Variants in MIPEP observed in about 807,000 individuals in gnomAD.
MIPEP encodes mitochondrial intermediate peptidase.
Under a neutral mutation model 90.3 loss-of-function variants are expected in MIPEP, and 79 were observed. The ratio of observed to expected loss-of-function variants is 0.87; its 90% CI spans 0.73 to 1.05. The LOEUF (loss-of-function observed/expected upper bound fraction) is 1.05. Among genes scored for constraint, MIPEP ranks in the 50% least tolerant of loss-of-function variants. The probability of loss-of-function intolerance (pLI) is 0.00; values close to 1 mark genes in which losing one functional copy is unlikely to be tolerated. For synonymous variants in MIPEP, 334 were observed against 315.8 expected (o/e 1.06, Z -0.61); for missense variants, 940 against 905.6 (o/e 1.04, Z -0.49).
At chr13:23,796,236 T>C (rs908881346) in intron 16 of MIPEP, among the ~76,000 whole-genome samples, 1 of 152,142 alleles carries the variant, frequency 6.6e-6, no homozygotes, top group Non-Finnish European at 1.5e-5. Flanking sequence ...CTGGCCAATA[T>C]GGCGAAACCA....
In MIPEP at chr13:23,750,257, C is replaced by T. The variant is rs371389059; in HGVS notation, c.2044+6288G>A. ...AGTATTGACAGAATATTGTTAGCTC[C>T]AGCTACACTTTAGTCAGATTGCCCT... On this transcript the variant is annotated intron_variant, in intron 18 of 18. Coordinates refer to ENST00000382172, the MANE Select transcript of MIPEP (RefSeq NM_005932.4). 4.3e-4 allele frequency among the ~76,000 whole-genome samples: 65 copies of T among 152,286 alleles called. 1 individual carries two copies. The East Asian group carries it at 8.3e-3, about 19-fold the overall frequency.
chr13:23,883,664 T>C (rs1305306264), intron 2 of MIPEP, among the ~76,000 whole-genome samples: 1 of 152,232 alleles, frequency 6.6e-6, no homozygotes, highest in East Asian at 1.9e-4. Context: ...ATGTTCAGTA[T>C]GAATGCAAAT....
At chr13:23,750,784 T>C (rs1952433526) in intron 18 of MIPEP, among the ~76,000 whole-genome samples, 1 of 152,216 alleles carries the variant, frequency 6.6e-6, no homozygotes, top group Admixed American at 6.5e-5. Flanking sequence ...TTTATATCAA[T>C]ATGGACTCAT....
At chr13:23,769,147 T>C (rs1201016887) in intron 16 of MIPEP, among the ~76,000 whole-genome samples, 1 of 152,162 alleles carries the variant, frequency 6.6e-6, no homozygotes, top group African/African-American at 2.4e-5. Flanking sequence ...AAGGAACCCA[T>C]GCTAACATTG....
intron 18 of MIPEP, among the ~76,000 whole-genome samples, chr13:23,750,564 C>T (rs73446189): frequency 7.2e-4 from 110 of 152,300 alleles, no homozygotes; most frequent in African/African-American, 2.5e-3. Flanking sequence ...GTCCACATGA[C>T]GCATCACTGA....
At chr13:23,826,803 A>G (rs988189954) in intron 14 of MIPEP, among the ~76,000 whole-genome samples, 7 of 152,222 alleles carry the variant, frequency 4.6e-5, no homozygotes, top group African/African-American at 1.4e-4. Flanking sequence ...AAACAAACAA[A>G]ATAGGATAAA....
intron 15 of MIPEP, among the ~76,000 whole-genome samples, 194 bp from the exon 16 acceptor site, chr13:23,806,263 C>T (rs1336069435): frequency 1.3e-5 from 2 of 152,160 alleles, no homozygotes. Flanking sequence ...AAAAGGAATG[C>T]TCTCAACCTT....
intron 16 of MIPEP, among the ~76,000 whole-genome samples, chr13:23,769,104 G>T (rs1952623052): frequency 6.6e-6 from 1 of 152,138 alleles, no homozygotes; most frequent in South Asian, 2.1e-4. Flanking sequence ...TCCAACATCT[G>T]CTGAGAAAAT....
At chr13:23,782,085 C>T (rs946497180) in intron 16 of MIPEP, among the ~76,000 whole-genome samples, 1 of 152,216 alleles carries the variant, frequency 6.6e-6, no homozygotes, top group Non-Finnish European at 1.5e-5. Flanking sequence ...GAATTGAACA[C>T]AGCTCTGCAC....
At chr13:23,836,737 T>C (rs990556787) in intron 13 of MIPEP, among the ~76,000 whole-genome samples, 1 of 152,266 alleles carries the variant, frequency 6.6e-6, no homozygotes, top group Non-Finnish European at 1.5e-5. Context: ...ATCCTTCCTT[T>C]GTTTTACAAG....
At chr13:23,805,720 C>T (rs151120872) in intron 16 of MIPEP, among the ~76,000 whole-genome samples, 33 of 152,212 alleles carry the variant, frequency 2.2e-4, no homozygotes, top group African/African-American at 7.7e-4. Context: ...TTTTAACCCC[C>T]ACATTTCCAA....
intron 10 of MIPEP, among the ~76,000 whole-genome samples, chr13:23,847,491 A>C (rs1040736063): frequency 1.3e-5 from 2 of 151,592 alleles, no homozygotes; most frequent in Non-Finnish European, 2.9e-5. Flanking sequence ...CCCAAACAGA[A>C]AACTACAGAC....
In MIPEP at chr13:23,879,253, G is replaced by C; in HGVS notation, c.539+15C>G. On this transcript the variant is annotated intron_variant, in intron 4 of 18. Transcript: ENST00000382172. ...GAGTCACAGTCACAATCAAGGCAAA[G>C]AAATGAGTGAGTACCTTGTTTCTGG... is the stretch of plus-strand genomic sequence containing the variant. 1 of 1,536,372 alleles carries C rather than the reference G, an allele frequency of 6.5e-7. No homozygotes were observed.
chr13:23,742,021 T>G (rs1952335860), intron 18 of MIPEP, among the ~76,000 whole-genome samples: 2 of 152,152 alleles, frequency 1.3e-5, no homozygotes, highest in Admixed American at 1.3e-4. Context: ...GAGGACCCCC[T>G]ACAGGACAAT....
chr13:23,761,459 C>T (rs1952541979), intron 16 of MIPEP, among the ~76,000 whole-genome samples: 1 of 152,094 alleles, frequency 6.6e-6, no homozygotes, highest in African/African-American at 2.4e-5. Context: ...TGGAGTCTGG[C>T]ACAGAGAGAG....
At chr13:23,800,106 A>C (rs1287635231) in intron 16 of MIPEP, among the ~76,000 whole-genome samples, 1 of 152,204 alleles carries the variant, frequency 6.6e-6, no homozygotes, top group Non-Finnish European at 1.5e-5. Flanking sequence ...AAGCCTACCA[A>C]ATTAGGTCAA....
intron 7 of MIPEP, among the ~76,000 whole-genome samples, chr13:23,865,938 T>A (rs983796276): frequency 5.3e-5 from 8 of 152,134 alleles, no homozygotes; most frequent in Non-Finnish European, 1.2e-4. Flanking sequence ...CCCAAAGTGC[T>A]GAGATTACAG....
chr13:23,869,515 A>C, intron 6 of MIPEP, 67 bp from the exon 7 acceptor site: 1 of 1,373,412 alleles, frequency 7.3e-7, no homozygotes. Context: ...ACAATAACAC[A>C]GGCTCATGCT....
intron 16 of MIPEP, among the ~76,000 whole-genome samples, chr13:23,761,665 G>A (rs1285170456): frequency 6.6e-6 from 1 of 152,162 alleles, no homozygotes; most frequent in African/African-American, 2.4e-5. Context: ...ACGAGCTTGC[G>A]ATGGTATATC....
Sources: allele counts gnomAD v4.1 joint callset (sites outside exome capture counted in the v4.1 genomes callset), GRCh38; gene constraint gnomAD v4.1.1; transcripts MANE v1.5; gene names NCBI Gene and HGNC (gene_info 2026-07-23, HGNC 2026-07-21).